The following SETD3 variants were observed in gnomAD, a reference collection of about 807,000 sequenced individuals.
SETD3 encodes actin-histidine N-methyltransferase.
In SETD3, 19 loss-of-function variants were observed where a neutral mutation model predicts 63.0. The observed-to-expected ratio is 0.30, with a 90% CI of 0.21 to 0.44. SETD3 has a LOEUF of 0.44. Ranked by LOEUF, SETD3 falls within the 20% of genes least tolerant of loss-of-function variation. The pLI is 1.00. For synonymous variants in SETD3, 286 were observed against 264.1 expected (o/e 1.08, Z -0.80); for missense variants, 587 against 728.5 (o/e 0.81, Z 2.24).
At chr14:99,416,693 G>A (rs949528058) in intron 6 of SETD3, among the ~76,000 whole-genome samples, 1 of 152,120 alleles carries the variant, frequency 6.6e-6, no homozygotes, top group Non-Finnish European at 1.5e-5. Flanking sequence ...CTCCTGAAGC[G>A]CTACCTCCCC....
chr14:99,414,981 C>A (rs575197840), intron 6 of SETD3, among the ~76,000 whole-genome samples: 5 of 152,278 alleles, frequency 3.3e-5, no homozygotes, highest in Non-Finnish European at 5.9e-5. Context: ...TGGCACCCTA[C>A]GCAGGACAGT....
chr14:99,411,255 G>A (rs533193310), intron 8 of SETD3: 78 of 152,218 alleles, frequency 5.1e-4, no homozygotes, highest in African/African-American at 1.7e-3. Context: ...GTATGTAGTC[G>A]TATTAGGGAA....
upstream of SETD3, chr14:99,481,630 T>C (rs911614716): frequency 4.4e-5 from 17 of 382,896 alleles, 1 homozygote; most frequent in African/African-American, 2.1e-5. Context: ...CATTGAACTT[T>C]GCGGGCGACG....
chr14:99,461,430 T>C, intron 3 of SETD3, 90 bp from the exon 4 acceptor site: 1 of 1,315,868 alleles, frequency 7.6e-7, no homozygotes, highest in Non-Finnish European at 1.1e-6. Flanking sequence ...AGGCCATAAC[T>C]AACACTGGAA....
chr14:99,436,601 T>C (rs1314180023), intron 6 of SETD3, among the ~76,000 whole-genome samples: 8 of 152,212 alleles, frequency 5.3e-5, no homozygotes, highest in African/African-American at 1.9e-4. Flanking sequence ...TGAGTTTGGC[T>C]TGGAATGGCC....
chr14:99,412,839 G>A (rs1196796343), intron 8 of SETD3, 112 bp downstream of exon 8: 6 of 746,568 alleles, frequency 8.0e-6, no homozygotes, highest in South Asian at 3.2e-5. Context: ...TGTTCCTTTT[G>A]GAGGGAGGCA....
At chr14:99,454,208 T>A (rs991736371) in intron 6 of SETD3, among the ~76,000 whole-genome samples, 2 of 152,150 alleles carry the variant, frequency 1.3e-5, no homozygotes, top group East Asian at 1.9e-4. Flanking sequence ...TTTTTTTTTT[T>A]AGATGGGATC....
At chr14:99,449,456 G>A (rs1014745421) in intron 6 of SETD3, among the ~76,000 whole-genome samples, 1 of 152,162 alleles carries the variant, frequency 6.6e-6, no homozygotes, top group African/African-American at 2.4e-5. Flanking sequence ...TTACTTCCAT[G>A]GTATTCTTGC....
intron 1 of SETD3, among the ~76,000 whole-genome samples, chr14:99,473,993 C>T (rs1895838503): frequency 6.6e-6 from 1 of 152,226 alleles, no homozygotes; most frequent in African/African-American, 2.4e-5. Context: ...GTTTACACGG[C>T]TAACCGGCAC....
chr14:99,463,387 A>C lies in SETD3; in HGVS notation c.196+99T>G. On this transcript the variant is annotated intron_variant, in intron 3 of 12. Transcript: ENST00000331768. ...CCAGTACAAGACCTTTCAGAGTGAC[A>C]CCAATGATGCTGAGACCTTTACTAC... is the stretch of plus-strand genomic sequence containing the variant. 6 of 855,800 alleles carry C rather than the reference A, an allele frequency of 7.0e-6. No homozygotes were observed. The South Asian group carries it at 9.4e-5, about 13-fold the overall frequency. 53.0% of individuals were successfully genotyped at this position (855,800 alleles called of 1,614,324 possible). A position where few individuals can be genotyped will look rare whatever the true frequency, so the allele number is the denominator to read the frequency against.
chr14:99,459,805 T>C (rs189604217), intron 4 of SETD3, among the ~76,000 whole-genome samples: 2 of 152,368 alleles, frequency 1.3e-5, no homozygotes, highest in East Asian at 3.9e-4. Context: ...AACATGCACA[T>C]GGCGCTCCAA....
intron 5 of SETD3, among the ~76,000 whole-genome samples, chr14:99,458,813 G>A (rs993215402): frequency 6.6e-6 from 1 of 151,018 alleles, no homozygotes; most frequent in African/African-American, 2.4e-5. Flanking sequence ...AGATGTAGTG[G>A]TGCACACCTG....
upstream of SETD3, chr14:99,481,222 C>T (rs1595298240): frequency 2.5e-6 from 1 of 394,114 alleles, no homozygotes; most frequent in East Asian, 3.6e-5. Context: ...GGGATGGGCC[C>T]TGTGGCTGGC....
intron 6 of SETD3, among the ~76,000 whole-genome samples, chr14:99,419,965 A>G (rs916049591): frequency 1.3e-5 from 2 of 152,212 alleles, no homozygotes; most frequent in Non-Finnish European, 2.9e-5. Flanking sequence ...CATTCAACAC[A>G]TACTTCATTT....
At chr14:99,427,391 T>A (rs1892940511) in intron 6 of SETD3, among the ~76,000 whole-genome samples, 1 of 152,100 alleles carries the variant, frequency 6.6e-6, no homozygotes, top group Non-Finnish European at 1.5e-5. Flanking sequence ...ATGAAATAAA[T>A]GTAATATTTA....
At chr14:99,414,600 G>A (rs956020211) in intron 6 of SETD3, among the ~76,000 whole-genome samples, 25 of 152,032 alleles carry the variant, frequency 1.6e-4, no homozygotes, top group African/African-American at 6.0e-4. Flanking sequence ...CTTCTTTCCT[G>A]GACAAAAGAA....
intron 6 of SETD3, among the ~76,000 whole-genome samples, chr14:99,457,257 G>A (rs1265946311): frequency 1.3e-5 from 2 of 152,276 alleles, no homozygotes; most frequent in East Asian, 3.9e-4. Context: ...ACTTCCTAAA[G>A]TTTAGAAAAA....
intron 6 of SETD3, among the ~76,000 whole-genome samples, chr14:99,414,392 C>G (rs930953538): frequency 1.3e-5 from 2 of 152,232 alleles, no homozygotes; most frequent in African/African-American, 4.8e-5. Context: ...TAAAGGCACT[C>G]TAATCGGTTG....
At position 99,400,228 on chromosome 14, in the gene SETD3, G is replaced by A. The variant is rs148682029; in HGVS notation, c.1209C>T (p.Ser403=). 5.7e-5 allele frequency: 92 copies of A among 1,613,302 alleles called. 1 individual carries two copies. Among genetic ancestry groups the A allele is most frequent in the African/African-American group, 3.1e-4 (23 of 74,870 alleles). Residue 403 remains serine, a synonymous_variant, in exon 12 of 13, where the codon AGC becomes AGT. Coordinates refer to ENST00000331768, the MANE Select transcript of SETD3 (RefSeq NM_032233.3). ...EELKEHLLGD[S]AIDRIFTLGN... ...CCAAGGTGAAGATTCTATCAATAGC[G>A]CTGTCTCCCAGCAAGTGTTCTTTCA...
Sources: gnomAD v4.1 joint callset for allele counts (sites outside exome capture counted in the v4.1 genomes callset) on GRCh38, gnomAD v4.1.1 for gene constraint, MANE v1.5 for transcripts, NCBI Gene and HGNC (gene_info 2026-07-23, HGNC 2026-07-21) for gene names.